Variants in SLC51B observed in about 807,000 individuals in gnomAD.
The protein encoded by SLC51B is organic solute transporter subunit beta.
In SLC51B, 6 loss-of-function variants were observed where a neutral mutation model predicts 8.0. That is an observed-to-expected ratio of 0.75 (90% CI 0.41 to 1.48). SLC51B has a LOEUF of 1.48. SLC51B is among the 40% of genes most tolerant of loss of function. The pLI, the probability that SLC51B is intolerant of heterozygous loss-of-function variation, is 0.01. For synonymous variants in SLC51B, 61 were observed against 54.8 expected, an observed-to-expected ratio of 1.11 and a Z score of -0.50; for missense variants, 150 against 149.7, an observed-to-expected ratio of 1.00 and a Z score of -0.01.
At position 65,053,076 on chromosome 15, in the gene SLC51B, A is replaced by C. The variant is rs1419781329; in HGVS notation, c.299A>C (p.Lys100Thr). 1.2e-6 allele frequency: 2 copies of C among 1,614,182 alleles called. No homozygotes were observed. The highest frequency in any genetic ancestry group is 2.2e-5 in the South Asian group (2 of 91,086). The stretch of plus-strand genomic sequence containing the variant: ...CTAAGAGAAACTTTGCTCTCAGAAA[A>C]GCCAAACTTGGCCCAGGTGGAACTT... ...NNLRETLLSEKPNLAQVELEL... is the reference protein window; with the variant it reads ...NNLRETLLSETPNLAQVELEL... The change falls in exon 4 of 4, where the codon AAG (lysine) becomes ACG (threonine). Residue 100 changes from lysine (K) to threonine (T), a missense_variant. Transcript: ENST00000334287.
chr15:65,053,363 T>G lies in SLC51B; in HGVS notation c.*199T>G. On this transcript the variant is annotated 3_prime_UTR_variant, in exon 4 of 4. Transcript: ENST00000334287. ...TCTGTTATTAAAAAAAATCTTTTAT[T>G]AAAATGCTCCTGGAAGGGAGCAGGT... The G allele has an allele frequency of 1.4e-6, 2 of 1,403,014 alleles. No homozygotes were observed. The highest frequency in any genetic ancestry group is 1.8e-6 in the Non-Finnish European group (2 of 1,085,052). 86.9% of individuals were successfully genotyped at this position (1,403,014 alleles called of 1,614,324 possible).
chr15:65,046,659 T>C (rs1210302984), intron 1 of SLC51B, among the ~76,000 whole-genome samples: 1 of 152,164 alleles, frequency 6.6e-6, no homozygotes, highest in Non-Finnish European at 1.5e-5. Flanking sequence ...ATGCCTGTAA[T>C]CCCAGCATTT....
At position 65,053,264 on chromosome 15, in the gene SLC51B, GCT is replaced by G. The variant is rs1461152160; in HGVS notation, c.*101_*102del. ...GTTTTAGAGTCTCTCCCAAGAAGCC[GCT>G]TTTTTCTTTTTCTTTCTTTCTTTTT... is the stretch of plus-strand genomic sequence containing the variant. On this transcript the variant is annotated 3_prime_UTR_variant, in exon 4 of 4. Coordinates refer to ENST00000334287, the MANE Select transcript of SLC51B (RefSeq NM_178859.4). The G allele has an allele frequency of 6.8e-7, 1 of 1,462,152 alleles. No individual in the cohort carries two copies. Among genetic ancestry groups the G allele is most frequent in the East Asian group, 2.4e-5 (1 of 41,080 alleles). 90.6% of individuals were successfully genotyped at this position (1,462,152 alleles called of 1,614,324 possible). A position where few individuals can be genotyped will look rare whatever the true frequency, so the allele number is the denominator to read the frequency against.
At chr15:65,050,138 TG>T in intron 2 of SLC51B, 37 bp downstream of exon 2, 1 of 1,513,910 alleles carries the variant, frequency 6.6e-7, no homozygotes. Flanking sequence ...GGTGGGGGTG[TG>T]CCCCTCAACA....
chr15:65,047,152 A>G (rs2086586583), intron 1 of SLC51B, among the ~76,000 whole-genome samples: 1 of 151,802 alleles, frequency 6.6e-6, no homozygotes, highest in Non-Finnish European at 1.5e-5. Flanking sequence ...CCTGGCAAAC[A>G]TGGTGAAATC....
At chr15:65,048,620 T>A (rs1490729816) in intron 1 of SLC51B, among the ~76,000 whole-genome samples, 1 of 152,242 alleles carries the variant, frequency 6.6e-6, no homozygotes, top group Admixed American at 6.5e-5. Flanking sequence ...ACACTTCTCT[T>A]GTTTTATTTT....
chr15:65,051,388 G>C, intron 2 of SLC51B, 127 bp from the exon 3 acceptor site: 2 of 834,548 alleles, frequency 2.4e-6, no homozygotes, highest in East Asian at 5.1e-5. Context: ...GCCCATCTTT[G>C]ATTAGGGTCT....
At position 65,052,913 on chromosome 15, in the gene SLC51B, T is replaced by A. The variant is rs184351261; in HGVS notation, c.189-53T>A. 408 of 1,578,718 alleles carry A rather than the reference T, an allele frequency of 2.6e-4. 1 individual carries two copies. In the East Asian group the frequency reaches 8.2e-3, roughly 32 times the overall value. Reference sequence around the variant, plus strand: ...TCTTTAAGCCATTTGGGCGACCCAGTCCTGCCCCAACCACTCAGCCCCCCT... The same window carrying A: ...TCTTTAAGCCATTTGGGCGACCCAGACCTGCCCCAACCACTCAGCCCCCCT... On this transcript the variant is annotated intron_variant, in intron 3 of 3. Transcript: ENST00000334287.
chr15:65,050,836 C>CTTTTTTTTTTTTTTTTTTTCTTTTT (rs57404080), intron 2 of SLC51B, among the ~76,000 whole-genome samples: 2 of 95,648 alleles, frequency 2.1e-5, no homozygotes, highest in Non-Finnish European at 3.7e-5. Context: ...TCTTCTTCTT[C>CTTTTTTTTTTTTTTTTTTTCTTTTT]TTTTTTTTTT....
intron 1 of SLC51B, among the ~76,000 whole-genome samples, chr15:65,046,170 G>A (rs2086574869): frequency 1.3e-5 from 2 of 152,166 alleles, no homozygotes; most frequent in South Asian, 4.1e-4. Flanking sequence ...ATGTGGTGGC[G>A]GGCACCTATA....
intron 2 of SLC51B, among the ~76,000 whole-genome samples, chr15:65,050,603 T>C (rs1250251872): frequency 6.6e-6 from 1 of 152,146 alleles, no homozygotes; most frequent in Non-Finnish European, 1.5e-5. Context: ...TGCAGGAAAC[T>C]AAGGAAATAA....
rs1566950982 is a variant in SLC51B at position 65,051,459 on chromosome 15, G to T, written c.98-56G>T. The T allele has an allele frequency of 2.6e-6, 4 of 1,550,726 alleles. No individual in the cohort carries two copies. The East Asian group carries it at 6.8e-5, about 26-fold the overall frequency. On this transcript the variant is annotated intron_variant, in intron 2 of 3. Transcript: ENST00000334287. ...TGAGCCCAGGCCCCAGCTGTTAGCG[G>T]GCTTGAGAGGTGCCTGGCCATTCCT...
At chr15:65,049,773 G>C (rs2086625272) in intron 1 of SLC51B, 124 bp from the exon 2 acceptor site, 2 of 409,288 alleles carry the variant, frequency 4.9e-6, no homozygotes, top group African/African-American at 2.1e-5. Flanking sequence ...GGCTCCACGT[G>C]CTCCTGGGTT....
intron 1 of SLC51B, among the ~76,000 whole-genome samples, chr15:65,045,982 G>A (rs904222051): frequency 2.0e-5 from 3 of 152,068 alleles, no homozygotes; most frequent in Non-Finnish European, 4.4e-5. Flanking sequence ...CCCGGCTAAC[G>A]TGGTGAAACC....
At chr15:65,046,838 G>C (rs762513182) in intron 1 of SLC51B, among the ~76,000 whole-genome samples, 1 of 151,414 alleles carries the variant, frequency 6.6e-6, no homozygotes, top group African/African-American at 2.4e-5. Context: ...GCCTGTGCCC[G>C]GGAGATGGAG....
chr15:65,050,075 T>TGCTTTGG lies in SLC51B; in HGVS notation c.72_78dup (p.Phe27AlafsTer58). On this transcript the variant is annotated frameshift_variant, in exon 2 of 4. Coordinates refer to ENST00000334287, the MANE Select transcript of SLC51B (RefSeq NM_178859.4). LOFTEE classifies it high-confidence loss of function. The stretch of plus-strand genomic sequence containing the variant: ...GTACCCCAGGAGCTGCTGGAAGAGA[T>TGCTTTGG]GCTTTGGTTTTTTCGTGTGGAAGAT... The TGCTTTGG allele has an allele frequency of 6.4e-7, 1 of 1,551,552 alleles. No homozygotes were observed. The highest frequency in any genetic ancestry group is 8.7e-7 in the Non-Finnish European group (1 of 1,146,902).
At chr15:65,052,643 C>T (rs953989407) in intron 3 of SLC51B, among the ~76,000 whole-genome samples, 8 of 152,076 alleles carry the variant, frequency 5.3e-5, no homozygotes, top group East Asian at 3.9e-4. Flanking sequence ...GTGATCCACC[C>T]GCCTCAGCCT....
At chr15:65,046,738 C>T (rs925470301) in intron 1 of SLC51B, among the ~76,000 whole-genome samples, 17 of 152,118 alleles carry the variant, frequency 1.1e-4, no homozygotes, top group African/African-American at 3.9e-4. Flanking sequence ...GATGATGAAA[C>T]CCCATCGCTA....
Position 65,052,947 on chromosome 15 carries a change from C to A in SLC51B, c.189-19C>A. 1 of 1,519,002 alleles carries A rather than the reference C, an allele frequency of 6.6e-7. No individual in the cohort carries two copies. The highest frequency in any genetic ancestry group is 9.0e-7 in the Non-Finnish European group (1 of 1,115,946). 94.1% of individuals were successfully genotyped at this position (1,519,002 alleles called of 1,614,324 possible). ...AACCACTCAGCCCCCCTCATTAACA[C>A]TGTTCCCTGTCCCCCCAGAAAAGAA... On this transcript the variant is annotated intron_variant, in intron 3 of 3. Coordinates refer to ENST00000334287, the MANE Select transcript of SLC51B (RefSeq NM_178859.4).
Sources: gnomAD v4.1 joint callset for allele counts (sites outside exome capture counted in the v4.1 genomes callset) on GRCh38, gnomAD v4.1.1 for gene constraint, MANE v1.5 for transcripts, NCBI Gene and HGNC (gene_info 2026-07-23, HGNC 2026-07-21) for gene names.